MGAT4C: variants seen among roughly 807,000 people sequenced by gnomAD.
MGAT4C encodes alpha-1,3-mannosyl-glycoprotein 4-beta-N-acetylglucosaminyltransferase C.
Under a neutral mutation model 40.1 loss-of-function variants are expected in MGAT4C, and 19 were observed. The ratio of observed to expected loss-of-function variants is 0.47; its 90% CI spans 0.33 to 0.70. The LOEUF (loss-of-function observed/expected upper bound fraction) is 0.70, where lower values mean the gene tolerates loss of function less well. MGAT4C is among the 30% of genes least tolerant of loss of function. The pLI is 0.02. For synonymous variants in MGAT4C, 181 were observed against 187.1 expected (o/e 0.97, Z 0.27); for missense variants, 491 against 563.2 (o/e 0.87, Z 1.30).
chr12:86,041,691 G>C (rs76883042), intron 2 of MGAT4C, among the ~76,000 whole-genome samples: 571 of 152,274 alleles, frequency 3.7e-3, no homozygotes, highest in African/African-American at 0.013. Context: ...TCTGTGGTTA[G>C]TGTGATTTTG....
At chr12:86,269,727 T>C (rs781716529) in intron 4 of MGAT4C, among the ~76,000 whole-genome samples, 11 of 152,040 alleles carry the variant, frequency 7.2e-5, no homozygotes, top group Admixed American at 1.3e-4. Flanking sequence ...CACTTGAATA[T>C]TGAAATGAAG....
intron 1 of MGAT4C, among the ~76,000 whole-genome samples, chr12:86,149,808 G>T (rs537109194): frequency 1.3e-5 from 2 of 152,072 alleles, no homozygotes; most frequent in East Asian, 3.9e-4. Context: ...ACATTATGAA[G>T]AACTACCATG....
At chr12:86,014,819 C>A (rs1040948856) in intron 2 of MGAT4C, among the ~76,000 whole-genome samples, 2 of 151,882 alleles carry the variant, frequency 1.3e-5, no homozygotes, top group South Asian at 2.1e-4. Context: ...AGGGCTTGAA[C>A]AATTTATTAT....
chr12:86,211,535 T>C (rs1950469845), intron 1 of MGAT4C, among the ~76,000 whole-genome samples: 1 of 149,720 alleles, frequency 6.7e-6, no homozygotes, highest in Admixed American at 6.6e-5. Flanking sequence ...TGCAGTGAGC[T>C]GAGATTGCTC....
At chr12:86,087,666 C>T (rs567414607) in intron 1 of MGAT4C, among the ~76,000 whole-genome samples, 3 of 151,888 alleles carry the variant, frequency 2.0e-5, no homozygotes, top group South Asian at 2.1e-4. Flanking sequence ...TAATAAAATA[C>T]CTAGGAATAC....
At chr12:86,712,833 CAG>C (rs1406859232) in intron 2 of MGAT4C, among the ~76,000 whole-genome samples, 1 of 152,060 alleles carries the variant, frequency 6.6e-6, no homozygotes. Flanking sequence ...CATTCTCTAA[CAG>C]AGTCTATATT....
rs544597474 is a variant in MGAT4C, at chr12:85,999,415, T to C, written c.-6-9863A>G. 2.0e-5 allele frequency among the ~76,000 whole-genome samples: 3 copies of C among 152,274 alleles called. No homozygotes were observed. In the South Asian group the frequency reaches 6.2e-4, roughly 32 times the overall value. The stretch of plus-strand genomic sequence containing the variant: ...CGAAATTATATACAAATGTTCACAA[T>C]GTGTCTCCATTACTGGATATATATC... On this transcript the variant is annotated intron_variant, in intron 2 of 4. Transcript: ENST00000611864.
intron 1 of MGAT4C, among the ~76,000 whole-genome samples, chr12:86,222,897 G>A (rs970645657): frequency 1.1e-4 from 17 of 152,100 alleles, no homozygotes; most frequent in African/African-American, 4.1e-4. Flanking sequence ...TGAGGTAATG[G>A]CAAAAGAAAG....
intron 2 of MGAT4C, among the ~76,000 whole-genome samples, chr12:86,560,735 A>G (rs1235155103): frequency 2.0e-5 from 3 of 152,200 alleles, no homozygotes; most frequent in Non-Finnish European, 4.4e-5. Flanking sequence ...GAACAAGAAA[A>G]GAAATCCCAA....
chr12:86,581,785 T>G (rs980436367), intron 2 of MGAT4C, among the ~76,000 whole-genome samples: 1 of 151,434 alleles, frequency 6.6e-6, no homozygotes, highest in Non-Finnish European at 1.5e-5. Flanking sequence ...TCTTATCTAA[T>G]CTCAGTTCTT....
chr12:86,776,401 T>G (rs1951749473), intron 1 of MGAT4C, among the ~76,000 whole-genome samples: 1 of 152,042 alleles, frequency 6.6e-6, no homozygotes, highest in Non-Finnish European at 1.5e-5. Context: ...TGTATAAATG[T>G]TTCCATGTAT....
At chr12:86,479,306 T>C (rs1315580328) in intron 2 of MGAT4C, among the ~76,000 whole-genome samples, 1 of 151,998 alleles carries the variant, frequency 6.6e-6, no homozygotes, top group Non-Finnish European at 1.5e-5. Flanking sequence ...ATCAATACTA[T>C]AAAGAAATAG....
At chr12:86,161,536 C>T (rs1169412142) in intron 1 of MGAT4C, among the ~76,000 whole-genome samples, 1 of 152,040 alleles carries the variant, frequency 6.6e-6, no homozygotes, top group Admixed American at 6.6e-5. Flanking sequence ...AATGTTAAAA[C>T]CTGAAACTAT....
intron 4 of MGAT4C, among the ~76,000 whole-genome samples, chr12:86,323,693 A>T (rs1380296075): frequency 6.6e-6 from 1 of 151,900 alleles, no homozygotes; most frequent in African/African-American, 2.4e-5. Flanking sequence ...AATATATCTT[A>T]TTTTTGTATA....
chr12:86,028,473 T>C (rs1410270419), intron 2 of MGAT4C, among the ~76,000 whole-genome samples: 1 of 151,920 alleles, frequency 6.6e-6, no homozygotes, highest in Non-Finnish European at 1.5e-5. Context: ...ATTTTCTTAC[T>C]CTTATTTCTT....
chr12:86,322,922 G>A (rs918850699), intron 4 of MGAT4C, among the ~76,000 whole-genome samples: 36 of 151,810 alleles, frequency 2.4e-4, no homozygotes, highest in Admixed American at 4.6e-4. Context: ...CAGGAAATGC[G>A]GAAGAGTTAA....
chr12:86,712,015 T>C (rs1950564429), intron 2 of MGAT4C, among the ~76,000 whole-genome samples: 1 of 152,168 alleles, frequency 6.6e-6, no homozygotes, highest in Non-Finnish European at 1.5e-5. Flanking sequence ...TATTGCCATG[T>C]GCTGGTGATG....
chr12:86,152,871 G>C (rs1884465846), intron 1 of MGAT4C, among the ~76,000 whole-genome samples: 1 of 152,056 alleles, frequency 6.6e-6, no homozygotes, highest in Non-Finnish European at 1.5e-5. Context: ...TCAGAATATA[G>C]AAATGACTTC....
intron 1 of MGAT4C, among the ~76,000 whole-genome samples, chr12:86,194,672 C>T (rs985891777): frequency 5.3e-5 from 8 of 151,774 alleles, no homozygotes; most frequent in African/African-American, 1.9e-4. Context: ...CCATGTTGGC[C>T]GTGATGGTCT....
Sources: allele counts gnomAD v4.1 joint callset (sites outside exome capture counted in the v4.1 genomes callset), GRCh38; gene constraint gnomAD v4.1.1; transcripts MANE v1.5; gene names NCBI Gene and HGNC (gene_info 2026-07-23, HGNC 2026-07-21).